Variants in BNC2 observed in about 807,000 individuals in gnomAD.
The protein encoded by BNC2 is zinc finger protein basonuclin-2.
Under a neutral mutation model 76.3 loss-of-function variants are expected in BNC2, and 20 were observed. That is an observed-to-expected ratio of 0.26 (90% confidence interval 0.18 to 0.38). The LOEUF is 0.38. Ranked by LOEUF, BNC2 falls within the 10% of genes least tolerant of loss-of-function variation. The probability of loss-of-function intolerance (pLI) is 1.00; values close to 1 mark genes in which losing one functional copy is unlikely to be tolerated. For missense variants in BNC2, 1,382 were observed against 1,399.8 expected, an observed-to-expected ratio of 0.99 and a Z score of 0.20; for synonymous variants, 582 against 514.8, an observed-to-expected ratio of 1.13 and a Z score of -1.77.
intron 4 of BNC2, among the ~76,000 whole-genome samples, chr9:16,562,433 C>T (rs975986831): frequency 2.0e-5 from 3 of 152,168 alleles, no homozygotes; most frequent in African/African-American, 4.8e-5. Flanking sequence ...ATTTGTAGAA[C>T]ACACTGAATA....
chr9:16,626,165 T>A (rs1371358826), intron 3 of BNC2: 1 of 152,142 alleles, frequency 6.6e-6, no homozygotes, highest in Non-Finnish European at 1.5e-5. Context: ...CAGACCTTGG[T>A]ATATCTAAAG....
At chr9:16,812,602 T>TA (rs1370665189) in intron 1 of BNC2, among the ~76,000 whole-genome samples, 1 of 152,210 alleles carries the variant, frequency 6.6e-6, no homozygotes, top group African/African-American at 2.4e-5. Context: ...TGTTTCATCT[T>TA]AAACAGTTTT....
chr9:16,565,055 A>T (rs377079992), intron 4 of BNC2, among the ~76,000 whole-genome samples: 2 of 152,232 alleles, frequency 1.3e-5, no homozygotes, highest in African/African-American at 4.8e-5. Context: ...ACCATTTTAG[A>T]GCAGGCTTTT....
intron 1 of BNC2, among the ~76,000 whole-genome samples, chr9:16,756,485 C>T (rs1023051410): frequency 4.7e-4 from 72 of 152,192 alleles, no homozygotes; most frequent in Middle Eastern, 6.8e-3. Context: ...TCACCTTTTT[C>T]TCCCTTCCAA....
rs34314862 is a variant in BNC2 at position 16,748,922 on chromosome 9, C to CTATATATA, written c.4-10445_4-10438dup. Among the ~76,000 whole-genome samples the CTATATATA allele has an allele frequency of 5.4e-3, 707 of 130,482 alleles. 8 individuals carry two copies. Among genetic ancestry groups the CTATATATA allele is most frequent in the African/African-American group, 0.017 (541 of 32,340 alleles). 85.6% of individuals were successfully genotyped at this position (130,482 alleles called of 152,430 possible). On this transcript the variant is annotated intron_variant, in intron 1 of 6. Transcript: ENST00000380672. ...TCTGTACTTTTTTTCACTTTTTATA[C>CTATATATA]TATATATATATATATATATATATAT...
At chr9:16,669,731 C>T (rs1379896746) in intron 3 of BNC2, among the ~76,000 whole-genome samples, 1 of 152,214 alleles carries the variant, frequency 6.6e-6, no homozygotes, top group Non-Finnish European at 1.5e-5. Context: ...CTTAAATTAT[C>T]ATTCCTATAA....
At chr9:16,749,734 AGAT>A (rs1209059516) in intron 1 of BNC2, among the ~76,000 whole-genome samples, 36 of 152,106 alleles carry the variant, frequency 2.4e-4, no homozygotes, top group Non-Finnish European at 4.1e-4. Context: ...AAGGATGTAA[AGAT>A]GCACTGTTCC....
intron 5 of BNC2, among the ~76,000 whole-genome samples, chr9:16,447,479 G>A (rs909093279): frequency 6.6e-6 from 1 of 152,008 alleles, no homozygotes; most frequent in Non-Finnish European, 1.5e-5. Context: ...TAACCAACTT[G>A]TGTAACCAAC....
chr9:16,746,688 C>T (rs1825017681), intron 1 of BNC2, among the ~76,000 whole-genome samples: 1 of 150,944 alleles, frequency 6.6e-6, no homozygotes, highest in African/African-American at 2.4e-5. Flanking sequence ...CGGCCAGGGG[C>T]AGTGTGGCTC....
At chr9:16,660,597 T>C (rs1384361087) in intron 3 of BNC2, among the ~76,000 whole-genome samples, 4 of 152,180 alleles carry the variant, frequency 2.6e-5, no homozygotes, top group South Asian at 2.1e-4. Context: ...CCAAACTTTA[T>C]TGGATAGCAG....
chr9:16,602,262 T>C (rs897450261), intron 3 of BNC2, among the ~76,000 whole-genome samples: 2 of 152,242 alleles, frequency 1.3e-5, no homozygotes, highest in Non-Finnish European at 2.9e-5. Flanking sequence ...GTTAGTTTAT[T>C]AGATGTGTAA....
chr9:16,543,878 T>A (rs569391968), intron 5 of BNC2, among the ~76,000 whole-genome samples: 1 of 152,140 alleles, frequency 6.6e-6, no homozygotes, highest in South Asian at 2.1e-4. Flanking sequence ...GTTTGTAGAG[T>A]GGTCCAAGCA....
chr9:16,805,734 C>T (rs1817893756), intron 1 of BNC2, among the ~76,000 whole-genome samples: 2 of 151,962 alleles, frequency 1.3e-5, no homozygotes. Flanking sequence ...CACACACACA[C>T]ACGCAAACAC....
chr9:16,542,022 G>T (rs534942759), intron 5 of BNC2, among the ~76,000 whole-genome samples: 15 of 152,050 alleles, frequency 9.9e-5, no homozygotes, highest in African/African-American at 3.1e-4. Flanking sequence ...TCCACAGCAG[G>T]AAAAGCACAT....
At chr9:16,505,968 A>T (rs977840063) in intron 5 of BNC2, among the ~76,000 whole-genome samples, 1 of 152,226 alleles carries the variant, frequency 6.6e-6, no homozygotes, top group Non-Finnish European at 1.5e-5. Flanking sequence ...ACACTTCCTC[A>T]AATAAAAAGC....
chr9:16,803,623 T>C (rs1817834874), intron 1 of BNC2, among the ~76,000 whole-genome samples: 1 of 152,244 alleles, frequency 6.6e-6, no homozygotes, highest in African/African-American at 2.4e-5. Context: ...GAAAGCTGCC[T>C]TTGCACTCAG....
At chr9:16,636,624 C>T (rs1231935751) in intron 3 of BNC2, among the ~76,000 whole-genome samples, 1 of 152,016 alleles carries the variant, frequency 6.6e-6, no homozygotes, top group East Asian at 1.9e-4. Flanking sequence ...TTGTATAATG[C>T]CTACATATCT....
intron 4 of BNC2, among the ~76,000 whole-genome samples, chr9:16,566,262 T>C (rs1238399727): frequency 6.6e-6 from 1 of 152,164 alleles, no homozygotes; most frequent in Non-Finnish European, 1.5e-5. Context: ...TGAGTAATCA[T>C]ACTGTTGGAT....
At chr9:16,518,138 T>A (rs1185238071) in intron 5 of BNC2, among the ~76,000 whole-genome samples, 1 of 152,190 alleles carries the variant, frequency 6.6e-6, no homozygotes, top group Admixed American at 6.5e-5. Context: ...AAATTAAATT[T>A]AAAAATATGG....
Sources: allele counts gnomAD v4.1 joint callset (sites outside exome capture counted in the v4.1 genomes callset), GRCh38; gene constraint gnomAD v4.1.1; transcripts MANE v1.5; gene names NCBI Gene and HGNC (gene_info 2026-07-23, HGNC 2026-07-21).